The following FLT4 variants were observed in gnomAD, a reference collection of about 807,000 sequenced individuals.
FLT4 encodes fms related receptor tyrosine kinase 4.
A neutral mutation model predicts 163.2 loss-of-function variants in FLT4; 30 were observed. The observed-to-expected ratio is 0.18, with a 90% CI of 0.14 to 0.25. FLT4 has a LOEUF of 0.25. FLT4 is among the 10% of genes least tolerant of loss of function. The probability of loss-of-function intolerance (pLI) is 1.00; values close to 1 mark genes in which losing one functional copy is unlikely to be tolerated. For missense variants in FLT4, 1,510 were observed against 1,863.8 expected (o/e 0.81, Z 3.50); for synonymous variants, 884 against 789.5 (o/e 1.12, Z -2.01).
chr5:180,631,750 G>T lies in FLT4; in HGVS notation c.87C>A (p.Pro29=). 6.2e-7 allele frequency: 1 copy of T among 1,610,636 alleles called. No individual in the cohort carries two copies. The change falls in exon 2 of 30, where the codon CCC becomes CCA. Residue 29 remains proline (P), a synonymous_variant. Coordinates refer to ENST00000261937, the MANE Select transcript of FLT4 (RefSeq NM_182925.5). ...DGLVSGYSMT[P]PTLNITEESH... Reference sequence around the variant, plus strand: ...ACTCCTCCGTGATGTTCAAGGTCGGGGGGGTCATGGAGTAGCCACTCACCA... The same window carrying T: ...ACTCCTCCGTGATGTTCAAGGTCGGTGGGGTCATGGAGTAGCCACTCACCA...
intron 1 of FLT4, among the ~76,000 whole-genome samples, chr5:180,648,671 C>T (rs1424078102): frequency 6.6e-6 from 1 of 152,164 alleles, no homozygotes; most frequent in Non-Finnish European, 1.5e-5. Flanking sequence ...CCCCCACAGT[C>T]CCTCTTTCCA....
rs36217296 is a variant in FLT4, at chr5:180,632,599, GGTGTGT to G, written c.59-827_59-822del. Among the ~76,000 whole-genome samples, 558 of 150,714 alleles carry G rather than the reference GGTGTGT, an allele frequency of 3.7e-3. 1 individual carries two copies. Among genetic ancestry groups the G allele is most frequent in the East Asian group, 7.9e-3 (40 of 5,058 alleles). ...CCCCACACCCTCCTCCCCGTGAGGT[GGTGTGT>G]GTGTGTGTGTGTGTGTGTGTGTGTG... On this transcript the variant is annotated intron_variant, in intron 1 of 29. Transcript: ENST00000261937.
chr5:180,621,396 A>AG, intron 13 of FLT4, 144 bp from the exon 14 acceptor site: 2 of 1,407,100 alleles, frequency 1.4e-6, no homozygotes, highest in South Asian at 1.4e-5. Context: ...GCGCCTCCGC[A>AG]GGGGGCGGCG....
intron 1 of FLT4, among the ~76,000 whole-genome samples, chr5:180,639,382 G>GATGA (rs376819926): frequency 4.1e-5 from 6 of 147,362 alleles, no homozygotes; most frequent in Admixed American, 2.0e-4. Context: ...TGGATGGGTG[G>GATGA]ATGGATGGAT....
At chr5:180,616,239 C>G in intron 23 of FLT4, 128 bp downstream of exon 23, 1 of 1,352,400 alleles carries the variant, frequency 7.4e-7, no homozygotes, top group East Asian at 2.3e-5. Flanking sequence ...CAGCTGGGCA[C>G]ATGGCTGGCC....
Position 180,621,866 on chromosome 5 carries a change from C to G in FLT4, c.1696G>C (p.Glu566Gln), listed in dbSNP as rs757667364. The G allele has an allele frequency of 6.2e-7, 1 of 1,613,504 alleles. No individual in the cohort carries two copies. The change falls in exon 13 of 30, where the codon GAG becomes CAG. Residue 566 changes from glutamate to glutamine, a missense_variant. Physicochemically the swap from Glu to Gln is conservative, Grantham distance 29. This residue lies in a region of FLT4 where 878 missense variants were observed against 1,016.7 expected (regional missense o/e 0.86). Transcript: ENST00000261937. Reference sequence around the variant, plus strand: ...ACCGGCTGGCCCTCTAGTAGCTCCTCGGATGGCTTGGATTCGATGGTGAAG... The same window carrying G: ...ACCGGCTGGCCCTCTAGTAGCTCCTGGGATGGCTTGGATTCGATGGTGAAG... The part of the protein sequence containing the change: ...DGFTIESKPS[E>Q]ELLEGQPVLL...
At chr5:180,628,373 G>A (rs937794898) in intron 8 of FLT4, among the ~76,000 whole-genome samples, 16 of 152,196 alleles carry the variant, frequency 1.1e-4, no homozygotes, top group African/African-American at 3.1e-4. Context: ...GGGGATCTGC[G>A]GGGACTCCAG....
intron 21 of FLT4, among the ~76,000 whole-genome samples, chr5:180,618,523 C>T (rs1762851800): frequency 6.6e-6 from 1 of 152,248 alleles, no homozygotes; most frequent in Non-Finnish European, 1.5e-5. Context: ...GGCCGGGCAC[C>T]TGCTGCTTGG....
At position 180,611,795 on chromosome 5, in the gene FLT4, G is replaced by C. The variant is rs1389428017; in HGVS notation, c.3538-316C>G. 13 of 460,008 alleles carry C rather than the reference G, an allele frequency of 2.8e-5. No homozygotes were observed. In the Admixed American group the frequency reaches 4.2e-4, roughly 15 times the overall value. 28.5% of individuals were successfully genotyped at this position (460,008 alleles called of 1,614,324 possible). On this transcript the variant is annotated intron_variant, in intron 26 of 29. Coordinates refer to ENST00000261937, the MANE Select transcript of FLT4 (RefSeq NM_182925.5). ...AGACAGATAAGGGGTCAAGGTAGCA[G>C]AATGCTGGCTGTGCCAGCCTCGCTA...
intron 10 of FLT4, 58 bp from the exon 11 acceptor site, chr5:180,624,119 T>TG (rs1763408889): frequency 4.4e-6 from 7 of 1,596,824 alleles, no homozygotes; most frequent in Admixed American, 3.3e-5. Context: ...AGGGCCCACA[T>TG]GGGGGGCGGG....
rs1225513495 is a variant in FLT4 at position 180,636,780 on chromosome 5, C to T, written c.59-5002G>A. ...TGCTTCCCCTGTTCTTGATCCACATCCTTCAGCCTCATCAAAGCCCCCACT... is the reference window on the plus strand; with the variant it reads ...TGCTTCCCCTGTTCTTGATCCACATTCTTCAGCCTCATCAAAGCCCCCACT... On this transcript the variant is annotated intron_variant, in intron 1 of 29. Transcript: ENST00000261937. The surrounding 1 kb of genome is among the most constrained non-coding windows in gnomAD (Gnocchi z 4.3). 6.6e-6 allele frequency among the ~76,000 whole-genome samples: 1 copy of T among 152,074 alleles called. No homozygotes were observed. The highest frequency in any genetic ancestry group is 1.5e-5 in the Non-Finnish European group (1 of 68,016).
At chr5:180,628,580 G>C (rs1763829484) in intron 8 of FLT4, among the ~76,000 whole-genome samples, 1 of 152,244 alleles carries the variant, frequency 6.6e-6, no homozygotes, top group Non-Finnish European at 1.5e-5. Context: ...GCAGGGCAGA[G>C]AGGGGCCCAG....
At chr5:180,609,718 A>C (rs1165047725) in intron 28 of FLT4, 187 bp downstream of exon 28, 4 of 683,340 alleles carry the variant, frequency 5.9e-6, no homozygotes, top group Non-Finnish European at 7.8e-6. Flanking sequence ...GGCATAGGAC[A>C]GAAAGCAGCT....
chr5:180,624,680 G>A (rs1763462212), intron 10 of FLT4, among the ~76,000 whole-genome samples: 1 of 152,212 alleles, frequency 6.6e-6, no homozygotes, highest in Non-Finnish European at 1.5e-5. Context: ...GAGGCCACCT[G>A]GGATCTGCCC....
intron 29 of FLT4, among the ~76,000 whole-genome samples, chr5:180,604,273 G>T (rs1204432573): frequency 6.6e-6 from 1 of 152,028 alleles, no homozygotes; most frequent in African/African-American, 2.4e-5. Flanking sequence ...CGGCACCACC[G>T]TCCCCTCAGC....
Position 180,603,269 on chromosome 5 carries a change from C to T in FLT4, c.4015G>A (p.Glu1339Lys), listed in dbSNP as rs1325967047. 1.9e-6 allele frequency: 3 copies of T among 1,614,042 alleles called. No individual in the cohort carries two copies. Among genetic ancestry groups the T allele is most frequent in the Non-Finnish European group, 2.5e-6 (3 of 1,180,040 alleles). ...TCCTCCTCGCTTGGCTCCGACAGCT[C>T]CCCATACTCGCTGTTGTAAAACACC... is the stretch of plus-strand genomic sequence containing the variant. Reference protein sequence around the residue: ...GQVFYNSEYGELSEPSEEDHC... With the variant: ...GQVFYNSEYGKLSEPSEEDHC... The change falls in exon 30 of 30, where the codon GAG becomes AAG. Residue 1339 changes from glutamate (E) to lysine (K), a missense_variant. Transcript: ENST00000261937.
chr5:180,637,252 C>T (rs914191146), intron 1 of FLT4, among the ~76,000 whole-genome samples: 2 of 151,572 alleles, frequency 1.3e-5, no homozygotes, highest in East Asian at 2.0e-4. Context: ...ATCGCTTGAA[C>T]CTGGGAGGCA....
chr5:180,630,993 G>A lies in FLT4; in HGVS notation c.156-194C>T, dbSNP rs770689133. Reference sequence around the variant, plus strand: ...ACCCCCGGGCCTCTACCAGGCTCCCGGGGCTGGCCTGTGGCCAAGCACAGG... The same window carrying A: ...ACCCCCGGGCCTCTACCAGGCTCCCAGGGCTGGCCTGTGGCCAAGCACAGG... On this transcript the variant is annotated intron_variant, in intron 2 of 29. Coordinates refer to ENST00000261937, the MANE Select transcript of FLT4 (RefSeq NM_182925.5). The surrounding 1 kb of genome is among the most constrained non-coding windows in gnomAD (Gnocchi z 6.3). 2.0e-5 allele frequency among the ~76,000 whole-genome samples: 3 copies of A among 152,160 alleles called. No individual in the cohort carries two copies. The highest frequency in any genetic ancestry group is 6.5e-5 in the Admixed American group (1 of 15,284).
chr5:180,618,099 C>T (rs1198053767), intron 21 of FLT4, among the ~76,000 whole-genome samples: 1 of 56,702 alleles, frequency 1.8e-5, no homozygotes, highest in African/African-American at 7.5e-5. Flanking sequence ...CCTCTCCTGC[C>T]CCTCAGCCTC....
Sources: allele counts gnomAD v4.1 joint callset (sites outside exome capture counted in the v4.1 genomes callset), GRCh38; gene constraint gnomAD v4.1.1; regional missense constraint gnomAD v4.1.1; non-coding constraint Gnocchi (gnomAD v3.1); transcripts MANE v1.5; gene names NCBI Gene and HGNC (gene_info 2026-07-23, HGNC 2026-07-21).